The following KLHL5 variants were observed in gnomAD, a reference collection of about 807,000 sequenced individuals.
KLHL5 encodes kelch like family member 5.
A neutral mutation model predicts 77.7 loss-of-function variants in KLHL5; 48 were observed. That is an observed-to-expected ratio of 0.62 (90% CI 0.49 to 0.79). KLHL5 has a LOEUF of 0.79. Among genes scored for constraint, KLHL5 ranks in the 30% least tolerant of loss-of-function variants. KLHL5 has a pLI of 0.00. For synonymous variants in KLHL5, 260 were observed against 297.0 expected (o/e 0.88, Z 1.28); for missense variants, 723 against 859.7 (o/e 0.84, Z 1.99).
the KLHL5 span, chr4:39,133,831 C>T: frequency 1.3e-5 from 2 of 152,204 alleles, no homozygotes; most frequent in Admixed American, 6.5e-5. Context: ...CAGACATGCT[C>T]ATTTGTTGAT....
intron 1 of KLHL5, chr4:39,045,111 C>T (rs1716056976): frequency 3.0e-6 from 3 of 984,876 alleles, no homozygotes; most frequent in African/African-American, 1.8e-5. Flanking sequence ...GTGCGACTTC[C>T]TTCTCGGCAT....
rs747333021 is a variant in KLHL5, at chr4:39,062,734, C to T, written c.82C>T (p.Pro28Ser). ...GTGGTTTGGTCATCAAGCATCATCT[C>T]CTAATTCTACAGTTGACAGCCAGCA... ...WRWFGHQASS[P>S]NSTVDSQQGE... The change falls in exon 1 of 11, where the codon CCT becomes TCT. Residue 28 changes from proline (P) to serine (S), a missense_variant. Physicochemically the swap from Pro to Ser is moderately conservative, Grantham distance 74. Transcript: ENST00000504108. 30 of 1,614,128 alleles carry T rather than the reference C, an allele frequency of 1.9e-5. 1 individual carries two copies. In the Middle Eastern group the frequency reaches 1.2e-3, roughly 62 times the overall value.
Position 39,085,643 on chromosome 4 carries a change from C to G in KLHL5, c.901-872C>G, listed in dbSNP as rs189154308. On this transcript the variant is annotated intron_variant, in intron 4 of 10. Transcript: ENST00000504108. ...CAGATTATTTAGCATAATAGCCTAT[C>G]AAGGTCATCTCACACCTAAGGGCAT... Among the ~76,000 whole-genome samples the G allele has an allele frequency of 2.0e-3, 305 of 152,278 alleles. 1 individual carries two copies. Among genetic ancestry groups the G allele is most frequent in the African/African-American group, 7.1e-3 (295 of 41,548 alleles).
At chr4:39,096,922 A>C in intron 6 of KLHL5, 44 bp downstream of exon 6, 1 of 1,496,224 alleles carries the variant, frequency 6.7e-7, no homozygotes, top group East Asian at 2.3e-5. Context: ...CCAGAGAAAA[A>C]GATATTTTAA....
At chr4:39,072,150 A>T (rs900942115) in intron 1 of KLHL5, among the ~76,000 whole-genome samples, 12 of 150,636 alleles carry the variant, frequency 8.0e-5, no homozygotes, top group East Asian at 5.8e-4. Context: ...ATCATTTTTT[A>T]AAAAAGACAA....
At chr4:39,140,232 C>T in the KLHL5 span, among the ~76,000 whole-genome samples, 4 of 151,854 alleles carry the variant, frequency 2.6e-5, no homozygotes, top group Admixed American at 6.6e-5. Context: ...CTGTCTCAAA[C>T]GAAACAAAAA....
In KLHL5 at chr4:39,118,527, G is replaced by A. The variant is rs148336842; in HGVS notation, c.2074-2483G>A. ...TCCCAGGACTTTGGGAGGCCAAGGC[G>A]GGTGGGTCACCTGAGGTCAGGAGTT... On this transcript the variant is annotated intron_variant, in intron 10 of 10. Transcript: ENST00000504108. Among the ~76,000 whole-genome samples the A allele has an allele frequency of 8.8e-3, 1,342 of 152,230 alleles. 16 individuals carry two copies. Among genetic ancestry groups the A allele is most frequent in the African/African-American group, 0.03 (1,255 of 41,524 alleles).
At chr4:39,093,103 A>G (rs1332759708) in intron 5 of KLHL5, 2 of 456,026 alleles carry the variant, frequency 4.4e-6, no homozygotes, top group South Asian at 3.1e-5. Context: ...CAACCTAAGA[A>G]GCATCCATCA....
chr4:39,093,503 C>A, intron 5 of KLHL5: 1 of 449,660 alleles, frequency 2.2e-6, no homozygotes, highest in South Asian at 1.6e-5. Context: ...AAATATGCCC[C>A]AATAAAATTG....
chr4:39,055,001 A>G (rs1280464638), intron 1 of KLHL5, among the ~76,000 whole-genome samples: 1 of 152,254 alleles, frequency 6.6e-6, no homozygotes, highest in Non-Finnish European at 1.5e-5. Context: ...TAAAGAAAAG[A>G]TAATTCTTCC....
rs10452137 is a variant in KLHL5 at position 39,062,551 on chromosome 4, G to A, written c.-102G>A. 1 of 1,612,416 alleles carries A rather than the reference G, an allele frequency of 6.2e-7. No individual in the cohort carries two copies. Among genetic ancestry groups the A allele is most frequent in the East Asian group, 2.2e-5 (1 of 44,874 alleles). On this transcript the variant is annotated 5_prime_UTR_variant, in exon 1 of 11. In the 5' UTR this introduces an upstream ATG that the reference lacks. Coordinates refer to ENST00000504108, the MANE Select transcript of KLHL5 (RefSeq NM_015990.5). The stretch of plus-strand genomic sequence containing the variant: ...TTATTTTCCTTTACATATTTTTGTT[G>A]TGTACAGCAGGGCATATACTTCTCT...
chr4:39,086,530 G>A lies in KLHL5; in HGVS notation c.916G>A (p.Val306Ile), dbSNP rs2109405701. ...HNYTMEHFME[V>I]IRNQEFVLLP... is the part of the protein sequence containing the mutation. ...TTCCCTCTAGGAGCATTTCATGGAA[G>A]TAATCAGAAACCAGGAATTTGTATT... Residue 306 changes from valine (V) to isoleucine (I), a missense_variant, in exon 5 of 11, where the codon GTA (valine) becomes ATA (isoleucine). Physicochemically the swap from Val to Ile is conservative, Grantham distance 29. Transcript: ENST00000504108. 1.2e-6 allele frequency: 2 copies of A among 1,613,544 alleles called. No homozygotes were observed. The highest frequency in any genetic ancestry group is 1.3e-5 in the African/African-American group (1 of 75,034).
At chr4:39,130,154 C>G (rs1270399941), downstream of KLHL5, among the ~76,000 whole-genome samples, 1 of 152,140 alleles carries the variant, frequency 6.6e-6, no homozygotes, top group African/African-American at 2.4e-5. Flanking sequence ...TCACAGCCTT[C>G]AGAGCAGAGA....
intron 2 of KLHL5, among the ~76,000 whole-genome samples, chr4:39,079,664 TA>T (rs767840268): frequency 2.1e-4 from 32 of 152,324 alleles, no homozygotes; most frequent in South Asian, 6.2e-4. Flanking sequence ...TATCACCTCT[TA>T]ATGTACTACA....
chr4:39,120,590 T>C (rs61519863), intron 10 of KLHL5, among the ~76,000 whole-genome samples: 1 of 152,354 alleles, frequency 6.6e-6, no homozygotes, highest in African/African-American at 2.4e-5. Context: ...TTTTGTGTGC[T>C]ACCTCTGAGA....
At chr4:39,050,252 C>G (rs1432944562) in intron 1 of KLHL5, among the ~76,000 whole-genome samples, 1 of 152,168 alleles carries the variant, frequency 6.6e-6, no homozygotes, top group Non-Finnish European at 1.5e-5. Context: ...TTGTTCCTCT[C>G]TGCCTTTTTG....
intron 1 of KLHL5, among the ~76,000 whole-genome samples, chr4:39,074,643 A>G (rs1718833009): frequency 6.6e-6 from 1 of 152,240 alleles, no homozygotes; most frequent in Admixed American, 6.5e-5. Context: ...TATCTCTGCC[A>G]TGAATGAACT....
At position 39,062,482 on chromosome 4, in the gene KLHL5, T is replaced by TA. The variant is rs771355910; in HGVS notation, c.-170dup. ...TTATCCTTTGTTCTTTAAAATCTGA[T>TA]ATATTGGCATAAAAGTAATTGTAGA... On this transcript the variant is annotated 5_prime_UTR_variant, in exon 1 of 11. It removes the in-frame stop codon of an upstream open reading frame in the 5' UTR. Transcript: ENST00000504108. 6.3e-7 allele frequency: 1 copy of TA among 1,581,998 alleles called. No homozygotes were observed. Among genetic ancestry groups the TA allele is most frequent in the South Asian group, 1.2e-5 (1 of 85,538 alleles).
chr4:39,076,190 G>A (rs374182552), intron 2 of KLHL5, 43 bp downstream of exon 2: 18 of 1,542,708 alleles, frequency 1.2e-5, no homozygotes, highest in African/African-American at 4.2e-5. Context: ...ATATTTCCTC[G>A]GTAATTTAGA....
Sources: gnomAD v4.1 joint callset for allele counts (sites outside exome capture counted in the v4.1 genomes callset) on GRCh38, gnomAD v4.1.1 for gene constraint, MANE v1.5 for transcripts, NCBI Gene and HGNC (gene_info 2026-07-23, HGNC 2026-07-21) for gene names.